Variants in DGKD observed in about 807,000 individuals in gnomAD.
DGKD encodes the protein DAG kinase delta.
Under a neutral mutation model 154.4 loss-of-function variants are expected in DGKD, and 68 were observed. That is an observed-to-expected ratio of 0.44 (90% CI 0.36 to 0.54). The LOEUF (loss-of-function observed/expected upper bound fraction) is 0.54, where lower values mean the gene tolerates loss of function less well. Ranked by LOEUF, DGKD falls within the 20% of genes least tolerant of loss-of-function variation. The pLI, the probability that DGKD is intolerant of heterozygous loss-of-function variation, is 0.00. For synonymous variants in DGKD, 693 were observed against 638.0 expected, an observed-to-expected ratio of 1.09 and a Z score of -1.30; for missense variants, 1,343 against 1,593.6, an observed-to-expected ratio of 0.84 and a Z score of 2.68.
chr2:233,466,081 T>C lies in DGKD; in HGVS notation c.3307-1005T>C, dbSNP rs137934058. The stretch of plus-strand genomic sequence containing the variant: ...AATAATAAGCATCTAAATTAGCTGT[T>C]CAAGACTATGTTTTTTATTCCCTAA... On this transcript the variant is annotated intron_variant, in intron 27 of 29. Transcript: ENST00000264057. 4.2e-3 allele frequency among the ~76,000 whole-genome samples: 647 copies of C among 152,246 alleles called. 2 individuals are homozygous for C. The highest frequency in any genetic ancestry group is 0.015 in the African/African-American group (623 of 41,548).
intron 3 of DGKD, among the ~76,000 whole-genome samples, chr2:233,403,430 G>A (rs909362913): frequency 6.6e-6 from 1 of 151,614 alleles, no homozygotes; most frequent in Non-Finnish European, 1.5e-5. Flanking sequence ...TGTGGTGGTG[G>A]GCGCCTGTAA....
chr2:233,465,978 TTTACA>T (rs1476315309), intron 27 of DGKD, among the ~76,000 whole-genome samples: 8 of 152,182 alleles, frequency 5.3e-5, no homozygotes, highest in African/African-American at 1.9e-4. Context: ...AGAGGATCAC[TTTACA>T]TTGGTAAAAT....
intron 10 of DGKD, among the ~76,000 whole-genome samples, chr2:233,444,295 C>T (rs907643971): frequency 3.3e-5 from 5 of 152,108 alleles, no homozygotes; most frequent in African/African-American, 1.2e-4. Context: ...CTAATTGTGT[C>T]CTCAGTCCTG....
intron 3 of DGKD, among the ~76,000 whole-genome samples, chr2:233,424,567 C>T (rs2125556842): frequency 6.6e-6 from 1 of 152,284 alleles, no homozygotes; most frequent in Middle Eastern, 3.4e-3. Context: ...CTTGGGAGAG[C>T]TCGTGGTGAG....
Position 233,450,915 on chromosome 2 carries a change from G to C in DGKD, c.2039-7G>C. On this transcript the variant is annotated splice_polypyrimidine_tract_variant and splice_region_variant and intron_variant, in intron 16 of 29. Coordinates refer to ENST00000264057, the MANE Select transcript of DGKD (RefSeq NM_152879.3). Reference sequence around the variant, plus strand: ...CAGCTGTAAGGTTTTCTGCTGTGTTGTTACAGTGTCGAAATCTCCGTGTGA... The same window carrying C: ...CAGCTGTAAGGTTTTCTGCTGTGTTCTTACAGTGTCGAAATCTCCGTGTGA... 1.3e-6 allele frequency: 2 copies of C among 1,597,288 alleles called. No homozygotes were observed. Among genetic ancestry groups the C allele is most frequent in the Non-Finnish European group, 1.7e-6 (2 of 1,165,876 alleles).
intron 10 of DGKD, among the ~76,000 whole-genome samples, chr2:233,442,752 C>T (rs919913623): frequency 2.0e-5 from 3 of 152,080 alleles, no homozygotes; most frequent in Non-Finnish European, 2.9e-5. Flanking sequence ...ATTACAGGCG[C>T]ACGCTACCAC....
At chr2:233,363,052 C>T (rs1205555672) in intron 1 of DGKD, among the ~76,000 whole-genome samples, 1 of 152,204 alleles carries the variant, frequency 6.6e-6, no homozygotes, top group East Asian at 1.9e-4. Flanking sequence ...TATGTATTTA[C>T]TATCTATACT....
Position 233,467,137 on chromosome 2 carries a change from G to T in DGKD, c.3358G>T (p.Val1120Leu). The T allele has an allele frequency of 6.2e-7, 1 of 1,614,174 alleles. No individual in the cohort carries two copies. The highest frequency in any genetic ancestry group is 8.5e-7 in the Non-Finnish European group (1 of 1,180,032). The change falls in exon 28 of 30, where the codon GTG (valine) becomes TTG (leucine). Residue 1120 changes from valine (V) to leucine (L), a missense_variant. Physicochemically the swap from Val to Leu is conservative, Grantham distance 32 (BLOSUM62 1). Around this residue, in one of 6 missense-constraint regions of DGKD, gnomAD observed 429 missense variants for 496.3 expected, o/e 0.86. Transcript: ENST00000264057. ...KRSRSGKFRL[V>L]TKFKKEKNNK... is the part of the protein sequence containing the mutation. ...CAGTCGCAGTGGTAAATTCCGCCTC[G>T]TGACCAAGTTTAAAAAGGAGAAAAA...
intron 3 of DGKD, among the ~76,000 whole-genome samples, chr2:233,417,666 T>C (rs2061992768): frequency 6.6e-6 from 1 of 152,182 alleles, no homozygotes; most frequent in Admixed American, 6.5e-5. Context: ...TAAGTGCAGA[T>C]AACCCAAACA....
chr2:233,448,224 C>T (rs2063149343), intron 13 of DGKD, 43 bp downstream of exon 13: 1 of 1,613,856 alleles, frequency 6.2e-7, no homozygotes, highest in Non-Finnish European at 8.5e-7. Context: ...TGCCCTGGCC[C>T]CCAGCCTGGA....
Position 233,458,413 on chromosome 2 carries a change from C to T in DGKD, c.2694+16C>T. 1.3e-6 allele frequency: 2 copies of T among 1,584,238 alleles called. No homozygotes were observed. The highest frequency in any genetic ancestry group is 8.6e-7 in the Non-Finnish European group (1 of 1,161,756). On this transcript the variant is annotated intron_variant, in intron 22 of 29. Coordinates refer to ENST00000264057, the MANE Select transcript of DGKD (RefSeq NM_152879.3). This position sits in a 1 kb window ranked among gnomAD's most constrained non-coding sequence, Gnocchi z 6.6. The stretch of plus-strand genomic sequence containing the variant: ...GATCGCCCAGGTAGTGGCCATGGTC[C>T]TGGGGTGTCTGGCCGAGTCCCCAGC...
intron 3 of DGKD, among the ~76,000 whole-genome samples, chr2:233,424,771 A>G (rs1372131954): frequency 6.6e-6 from 1 of 152,210 alleles, no homozygotes; most frequent in Non-Finnish European, 1.5e-5. Context: ...GAGAAGCTGA[A>G]TGGAGCAGAT....
intron 3 of DGKD, among the ~76,000 whole-genome samples, chr2:233,391,537 C>T (rs904979519): frequency 2.0e-5 from 3 of 152,166 alleles, no homozygotes; most frequent in African/African-American, 7.2e-5. Flanking sequence ...TACGGGCTGA[C>T]TTTAGCGCCT....
In DGKD at chr2:233,440,667, A is replaced by G. The variant is rs2125609306; in HGVS notation, c.1086-1220A>G. On this transcript the variant is annotated intron_variant, in intron 9 of 29. Coordinates refer to ENST00000264057, the MANE Select transcript of DGKD (RefSeq NM_152879.3). The surrounding 1 kb of genome is among the most constrained non-coding windows in gnomAD (Gnocchi z 4.9). The stretch of plus-strand genomic sequence containing the variant: ...ATGCAGTGGGGCCAGGCCAGGCAGC[A>G]GCAGAAAGGTGGCACCTGCCGTCAG... Among the ~76,000 whole-genome samples the G allele has an allele frequency of 6.6e-6, 1 of 152,304 alleles. No individual in the cohort carries two copies. The highest frequency in any genetic ancestry group is 2.4e-5 in the African/African-American group (1 of 41,550).
intron 10 of DGKD, among the ~76,000 whole-genome samples, chr2:233,443,624 C>A (rs2062968535): frequency 6.6e-6 from 1 of 152,172 alleles, no homozygotes; most frequent in African/African-American, 2.4e-5. Flanking sequence ...TTCAGTGATT[C>A]TGTGGTGCCT....
Position 233,462,449 on chromosome 2 carries a change from G to C in DGKD, c.3083G>C (p.Arg1028Thr). The change falls in exon 25 of 30, where the codon AGA becomes ACA. Residue 1028 changes from arginine to threonine, a missense_variant. By Grantham distance (71) the Arg-to-Thr change is moderately conservative. Transcript: ENST00000264057. ...ATGGACCGTGTGTATGGCAAGCCCA[G>C]AACCACAGAGGTAGCTATTCTGGCC... ...KSMDRVYGKP[R>T]TTEGLNCSFV... The C allele has an allele frequency of 1.3e-6, 2 of 1,596,864 alleles. No homozygotes were observed. The highest frequency in any genetic ancestry group is 1.7e-6 in the Non-Finnish European group (2 of 1,166,956).
rs926482697 is a variant in DGKD at position 233,440,041 on chromosome 2, C to G, written c.1085+1662C>G. 6.6e-6 allele frequency among the ~76,000 whole-genome samples: 1 copy of G among 152,030 alleles called. No homozygotes were observed. The highest frequency in any genetic ancestry group is 2.1e-4 in the South Asian group (1 of 4,822). Reference sequence around the variant, plus strand: ...GCAGGGCAGGTTACACAGCTGAACTCGAGAATAACGAAATATTCATTTTGG... The same window carrying G: ...GCAGGGCAGGTTACACAGCTGAACTGGAGAATAACGAAATATTCATTTTGG... On this transcript the variant is annotated intron_variant, in intron 9 of 29. Coordinates refer to ENST00000264057, the MANE Select transcript of DGKD (RefSeq NM_152879.3). This position sits in a 1 kb window ranked among gnomAD's most constrained non-coding sequence, Gnocchi z 4.9.
chr2:233,437,255 C>T, intron 7 of DGKD, 122 bp from the exon 8 acceptor site: 1 of 876,028 alleles, frequency 1.1e-6, no homozygotes, highest in East Asian at 2.6e-5. Flanking sequence ...GGTAGCAGGC[C>T]AGCCCAGCTC....
At chr2:233,460,828 G>A (rs985235874) in intron 24 of DGKD, among the ~76,000 whole-genome samples, 2 of 152,030 alleles carry the variant, frequency 1.3e-5, no homozygotes, top group African/African-American at 4.8e-5. Flanking sequence ...AGAGGCGGAG[G>A]TTGCAGTGAG....
Sources: allele counts gnomAD v4.1 joint callset (sites outside exome capture counted in the v4.1 genomes callset), GRCh38; gene constraint gnomAD v4.1.1; regional missense constraint gnomAD v4.1.1; non-coding constraint Gnocchi (gnomAD v3.1); transcripts MANE v1.5; gene names NCBI Gene and HGNC (gene_info 2026-07-23, HGNC 2026-07-21).